Variants in TMEM132C observed in about 807,000 individuals in gnomAD.
TMEM132C encodes the protein transmembrane protein 132C.
In TMEM132C, 29 loss-of-function variants were observed where a neutral mutation model predicts 61.4. The ratio of observed to expected loss-of-function variants is 0.47; its 90% CI spans 0.35 to 0.64. TMEM132C has a LOEUF of 0.64. Among genes scored for constraint, TMEM132C ranks in the 30% least tolerant of loss-of-function variants. TMEM132C has a pLI of 0.00. For synonymous variants in TMEM132C, 656 were observed against 633.1 expected, an observed-to-expected ratio of 1.04 and a Z score of -0.54; for missense variants, 1,408 against 1,476.9, an observed-to-expected ratio of 0.95 and a Z score of 0.76.
At chr12:128,523,151 A>C (rs1382575762) in intron 2 of TMEM132C, among the ~76,000 whole-genome samples, 3 of 152,206 alleles carry the variant, frequency 2.0e-5, no homozygotes, top group African/African-American at 7.2e-5. Flanking sequence ...GAAATAAGAC[A>C]GTCAGTCACA....
rs770745559 is a variant in TMEM132C, at chr12:128,705,586, G to A, written c.2618G>A (p.Arg873Gln). 2.6e-5 allele frequency: 40 copies of A among 1,551,070 alleles called. No individual in the cohort carries two copies. The highest frequency in any genetic ancestry group is 2.5e-4 in the South Asian group (21 of 84,056). The change falls in exon 9 of 9, where the codon CGG (arginine) becomes CAG (glutamine). Residue 873 changes from arginine to glutamine, a missense_variant. Coordinates refer to ENST00000435159, the MANE Select transcript of TMEM132C (RefSeq NM_001136103.3). ...GACAACAAAGTGGTGAAGAACAGTCGGGCAGACGGGGGCAGGCTGGCAGGA... is the reference window on the plus strand; with the variant it reads ...GACAACAAAGTGGTGAAGAACAGTCAGGCAGACGGGGGCAGGCTGGCAGGA... Reference protein sequence around the residue: ...LLDNKVVKNSRADGGRLAGEG... With the variant: ...LLDNKVVKNSQADGGRLAGEG...
At chr12:128,296,945 C>T (rs1871432587) in intron 1 of TMEM132C, among the ~76,000 whole-genome samples, 1 of 152,162 alleles carries the variant, frequency 6.6e-6, no homozygotes, top group South Asian at 2.1e-4. Context: ...GACTAGACTT[C>T]CCAAACTGCA....
rs373238534 is a variant in TMEM132C, at chr12:128,310,480, AAG to A, written c.85+43000_85+43001del. Among the ~76,000 whole-genome samples the A allele has an allele frequency of 2.0e-3, 303 of 152,172 alleles. 1 individual carries two copies. The highest frequency in any genetic ancestry group is 6.9e-3 in the African/African-American group (285 of 41,512). ...AGCTTCCAATCGTGGCAGAAAGTGA[AAG>A]AGAGAGTTGGGTGGGGGGGTTTGCC... On this transcript the variant is annotated intron_variant, in intron 1 of 8. Transcript: ENST00000435159.
intron 1 of TMEM132C, among the ~76,000 whole-genome samples, chr12:128,274,788 T>C (rs978021468): frequency 6.6e-6 from 1 of 152,164 alleles, no homozygotes; most frequent in Non-Finnish European, 1.5e-5. Context: ...CCAGGCCTTA[T>C]CCCAAACCAA....
At chr12:128,507,689 C>T (rs546999059) in intron 2 of TMEM132C, among the ~76,000 whole-genome samples, 15 of 152,186 alleles carry the variant, frequency 9.9e-5, no homozygotes, top group African/African-American at 1.4e-4. Flanking sequence ...TTATATGTTT[C>T]GAAAGGTGTG....
chr12:128,434,188 C>G (rs1039898523), intron 2 of TMEM132C, among the ~76,000 whole-genome samples: 51 of 152,230 alleles, frequency 3.4e-4, no homozygotes, highest in African/African-American at 1.0e-3. Flanking sequence ...CCAACAGTAG[C>G]TCAAACTAGT....
intron 3 of TMEM132C, among the ~76,000 whole-genome samples, chr12:128,612,409 T>C (rs150235717): frequency 2.2e-3 from 338 of 152,290 alleles, no homozygotes; most frequent in African/African-American, 7.9e-3. Flanking sequence ...TATTTTTTTT[T>C]CCATTCTGAA....
At chr12:128,404,075 A>T (rs1016566103) in intron 1 of TMEM132C, among the ~76,000 whole-genome samples, 8 of 152,114 alleles carry the variant, frequency 5.3e-5, no homozygotes, top group Non-Finnish European at 1.0e-4. Context: ...ACAACCAAAA[A>T]ATGTCTGCAG....
At position 128,415,630 on chromosome 12, in the gene TMEM132C, C is replaced by T; in HGVS notation, c.974+10C>T. 2.7e-6 allele frequency: 4 copies of T among 1,507,660 alleles called. No homozygotes were observed. Among genetic ancestry groups the T allele is most frequent in the Non-Finnish European group, 3.6e-6 (4 of 1,121,708 alleles). 93.4% of individuals were successfully genotyped at this position (1,507,660 alleles called of 1,614,324 possible). A position where few individuals can be genotyped will look rare whatever the true frequency, so the allele number is the denominator to read the frequency against. ...ACCTCTTCATCTTGAGGTAGGTGCC[C>T]ATGCTTGCCCCTGATCATCTTTGGC... is the stretch of plus-strand genomic sequence containing the variant. On this transcript the variant is annotated intron_variant, in intron 2 of 8. Transcript: ENST00000435159. This position sits in a 1 kb window ranked among gnomAD's most constrained non-coding sequence, Gnocchi z 5.8.
Position 128,603,939 on chromosome 12 carries a change from G to T in TMEM132C, c.1122-12213G>T, listed in dbSNP as rs182550876. Among the ~76,000 whole-genome samples the T allele has an allele frequency of 1.5e-4, 23 of 152,322 alleles. No individual in the cohort carries two copies. The East Asian group carries it at 3.9e-3, about 26-fold the overall frequency. ...AGGACAGGGAAGAACCCCACTTGTG[G>T]TTGGGCCAGAGTGGAAGTAGGGTCA... On this transcript the variant is annotated intron_variant, in intron 3 of 8. Coordinates refer to ENST00000435159, the MANE Select transcript of TMEM132C (RefSeq NM_001136103.3).
intron 3 of TMEM132C, among the ~76,000 whole-genome samples, chr12:128,603,888 T>C (rs1038514532): frequency 6.6e-6 from 1 of 152,140 alleles, no homozygotes; most frequent in African/African-American, 2.4e-5. Flanking sequence ...TTCTATGTCC[T>C]TAAGGAAAGG....
At chr12:128,466,203 A>G (rs960946320) in intron 2 of TMEM132C, among the ~76,000 whole-genome samples, 1 of 152,136 alleles carries the variant, frequency 6.6e-6, no homozygotes, top group African/African-American at 2.4e-5. Context: ...AGCACAGGAA[A>G]GAAGGAGCCA....
At chr12:128,669,643 A>T (rs1216415121) in intron 5 of TMEM132C, 83 bp downstream of exon 5, 1 of 1,485,860 alleles carries the variant, frequency 6.7e-7, no homozygotes, top group Non-Finnish European at 9.1e-7. Context: ...TTAGACTGAA[A>T]TACATGACGT....
At position 128,473,248 on chromosome 12, in the gene TMEM132C, A is replaced by G. The variant is rs569360428; in HGVS notation, c.974+57628A>G. Among the ~76,000 whole-genome samples, 159 of 44,904 alleles carry G rather than the reference A, an allele frequency of 3.5e-3. 2 individuals are homozygous for G. The highest frequency in any genetic ancestry group is 0.012 in the African/African-American group (140 of 11,418). The allele number at this position is 44,904 out of a possible 152,430, so 29.5% of individuals were successfully genotyped here. A position where few individuals can be genotyped will look rare whatever the true frequency, so the allele number is the denominator to read the frequency against. On this transcript the variant is annotated intron_variant, in intron 2 of 8. Coordinates refer to ENST00000435159, the MANE Select transcript of TMEM132C (RefSeq NM_001136103.3). Reference sequence around the variant, plus strand: ...CATCTTTGTCCTTACTCCAGCGTCTATCTTCATCCTCACTCCAACCCCTAT... The same window carrying G: ...CATCTTTGTCCTTACTCCAGCGTCTGTCTTCATCCTCACTCCAACCCCTAT...
chr12:128,622,353 AAAAAAAAATATATAT>A (rs1953970880), intron 4 of TMEM132C, among the ~76,000 whole-genome samples: 4 of 65,396 alleles, frequency 6.1e-5, no homozygotes, highest in Middle Eastern at 6.3e-3. Context: ...CAAAAAAAAA[AAAAAAAAATATATAT>A]ATATATATAT....
intron 1 of TMEM132C, among the ~76,000 whole-genome samples, chr12:128,279,292 A>G (rs1234684931): frequency 1.3e-5 from 2 of 152,028 alleles, no homozygotes; most frequent in Non-Finnish European, 2.9e-5. Flanking sequence ...TTTTTTTATT[A>G]TTATTAAATC....
intron 5 of TMEM132C, among the ~76,000 whole-genome samples, chr12:128,693,208 G>A (rs1296364539): frequency 6.6e-6 from 1 of 152,168 alleles, no homozygotes; most frequent in Non-Finnish European, 1.5e-5. Context: ...GAATTAGTGA[G>A]AATCATGCTG....
intron 1 of TMEM132C, among the ~76,000 whole-genome samples, chr12:128,303,402 T>C (rs1871660076): frequency 6.6e-6 from 1 of 152,194 alleles, no homozygotes; most frequent in Non-Finnish European, 1.5e-5. Flanking sequence ...TAGGGATCCA[T>C]CGTGACTGAG....
chr12:128,412,650 T>C (rs1369136181), intron 1 of TMEM132C, among the ~76,000 whole-genome samples: 1 of 152,178 alleles, frequency 6.6e-6, no homozygotes, highest in Non-Finnish European at 1.5e-5. Context: ...ATCCCTTTGC[T>C]CTTCCTTTGC....
Sources: gnomAD v4.1 joint callset for allele counts (sites outside exome capture counted in the v4.1 genomes callset) on GRCh38, gnomAD v4.1.1 for gene constraint, Gnocchi (gnomAD v3.1) non-coding constraint, MANE v1.5 for transcripts, NCBI Gene and HGNC (gene_info 2026-07-23, HGNC 2026-07-21) for gene names.